BGN: variants seen among roughly 807,000 people sequenced by gnomAD.
The protein encoded by BGN is bone/cartilage proteoglycan-I.
In BGN, 6 loss-of-function variants were observed where a neutral mutation model predicts 20.0. The ratio of observed to expected loss-of-function variants is 0.30; its 90% CI spans 0.16 to 0.59. The LOEUF (loss-of-function observed/expected upper bound fraction) is 0.59. BGN is among the 20% of genes least tolerant of loss of function. BGN has a pLI of 0.88. For missense variants in BGN, 292 were observed against 312.1 expected (o/e 0.94, Z 0.49); for synonymous variants, 146 against 134.6 (o/e 1.08, Z -0.59).
intron 1 of BGN, among the ~76,000 whole-genome samples, chrX:153,496,948 G>GCCCCCCCCCCCCCCCCCCCC (rs782676136): frequency 7.0e-5 from 4 of 57,193 alleles, no homozygotes; most frequent in Non-Finnish European, 6.0e-5. Context: ...TGCTTCCCGG[G>GCCCCCCCCCCCCCCCCCCCC]CCCACCCCCC....
At chrX:153,503,434 C>T (rs1404215636) in intron 1 of BGN, among the ~76,000 whole-genome samples, 4 of 112,105 alleles carry the variant, frequency 3.6e-5, no homozygotes, top group Admixed American at 2.8e-4. Flanking sequence ...CCAGATGCAC[C>T]GAGGGCCACC....
intron 1 of BGN, among the ~76,000 whole-genome samples, chrX:153,496,929 C>T (rs1051282963): frequency 8.6e-5 from 9 of 104,575 alleles, no homozygotes; most frequent in Non-Finnish European, 1.6e-4. Context: ...CCCCACCTGC[C>T]GTCTCCTGTG....
chrX:153,495,939 G>A (rs782280296), intron 1 of BGN, among the ~76,000 whole-genome samples: 38 of 112,725 alleles, frequency 3.4e-4, no homozygotes, highest in African/African-American at 1.0e-3. Context: ...TCCCCAGGGC[G>A]GACCTGGCTT....
intron 1 of BGN, among the ~76,000 whole-genome samples, chrX:153,496,792 C>T (rs1556990850): frequency 8.9e-6 from 1 of 111,995 alleles, no homozygotes; most frequent in African/African-American, 3.2e-5. Context: ...CGTGTCCCTT[C>T]CAGTGACAGC....
intron 3 of BGN, among the ~76,000 whole-genome samples, 181 bp from the exon 4 acceptor site, chrX:153,505,682 G>A (rs1393173459): frequency 9.0e-6 from 1 of 111,674 alleles, no homozygotes; most frequent in African/African-American, 3.3e-5. Context: ...GCAAGGCAGT[G>A]GTGGCACTGC....
intron 1 of BGN, among the ~76,000 whole-genome samples, chrX:153,499,702 A>G (rs2089743191): frequency 8.8e-6 from 1 of 113,307 alleles, no homozygotes; most frequent in Admixed American, 9.2e-5. Context: ...TGGCAAGGCC[A>G]GGGAGGGTAC....
chrX:153,496,948 G>GCCCCCCCCCCCCCCCCC (rs782676136), intron 1 of BGN, among the ~76,000 whole-genome samples: 1 of 57,196 alleles, frequency 1.7e-5, no homozygotes, highest in African/African-American at 8.1e-5. Flanking sequence ...TGCTTCCCGG[G>GCCCCCCCCCCCCCCCCC]CCCACCCCCC....
intron 1 of BGN, among the ~76,000 whole-genome samples, chrX:153,503,120 C>A (rs1250631191): frequency 8.9e-6 from 1 of 112,965 alleles, no homozygotes; most frequent in Non-Finnish European, 1.9e-5. Context: ...GCCCCCGGCC[C>A]GCTGGTAGCA....
At position 153,505,223 on chromosome X, in the gene BGN, G is replaced by T. The variant is rs782280015; in HGVS notation, c.239-15G>T. On this transcript the variant is annotated splice_polypyrimidine_tract_variant and intron_variant, in intron 2 of 7. Coordinates refer to ENST00000331595, the MANE Select transcript of BGN (RefSeq NM_001711.6). ...GGTCTCAAGTTCATGCTGGTGATGG[G>T]GGTGGGGCCCCTAGGTCTGAAGTCT... 1.7e-6 allele frequency: 2 copies of T among 1,179,625 alleles called. No homozygotes were observed. Among genetic ancestry groups the T allele is most frequent in the Non-Finnish European group, 2.3e-6 (2 of 871,046 alleles).
At chrX:153,504,377 G>C (rs1355477766) in intron 1 of BGN, among the ~76,000 whole-genome samples, 2 of 112,226 alleles carry the variant, frequency 1.8e-5, no homozygotes, top group African/African-American at 6.5e-5. Context: ...GGATGGGGAG[G>C]GGGGTAGTGG....
chrX:153,499,480 C>T (rs2089741089), intron 1 of BGN, among the ~76,000 whole-genome samples: 1 of 113,241 alleles, frequency 8.8e-6, no homozygotes, highest in African/African-American at 3.2e-5. Context: ...GCCAGAAAAC[C>T]TCTGGAAAGG....
intron 1 of BGN, among the ~76,000 whole-genome samples, chrX:153,497,964 TC>T (rs2124215484): frequency 8.9e-6 from 1 of 112,164 alleles, no homozygotes; most frequent in East Asian, 2.8e-4. Context: ...CAGCCTTGGC[TC>T]TTCCGAGGAC....
intron 7 of BGN, 65 bp from the exon 8 acceptor site, chrX:153,508,183 C>A: frequency 8.7e-7 from 1 of 1,146,728 alleles, no homozygotes; most frequent in Non-Finnish European, 1.2e-6. Context: ...AAAATGCCTC[C>A]TGGAGGCAGC....
At chrX:153,504,569 G>A in intron 1 of BGN, 52 bp from the exon 2 acceptor site, 1 of 998,329 alleles carries the variant, frequency 1.0e-6, no homozygotes. Context: ...CCCCTGGCAT[G>A]GAGAAGACAG....
intron 2 of BGN, 117 bp downstream of exon 2, chrX:153,504,986 T>C: frequency 1.2e-6 from 1 of 814,065 alleles, no homozygotes. Flanking sequence ...ATGATGTAAG[T>C]GTAGGAGGGG....
chrX:153,505,070 C>CTG (rs1459430638), intron 2 of BGN, among the ~76,000 whole-genome samples, 168 bp from the exon 3 acceptor site: 1 of 111,197 alleles, frequency 9.0e-6, no homozygotes, highest in Non-Finnish European at 1.9e-5. Flanking sequence ...GTCAGTGTCC[C>CTG]TGTGTGTGTG....
rs1556993195 is a variant in BGN, at chrX:153,506,517, T to A, written c.566-12T>A. The A allele has an allele frequency of 6.6e-6, 8 of 1,203,734 alleles. No individual in the cohort carries two copies. Among genetic ancestry groups the A allele is most frequent in the Non-Finnish European group, 9.0e-6 (8 of 889,974 alleles). ...CCACCAGGCTCCCGGGCTAATGAGG[T>A]CTCTCCCCTAGAGATGGGCGGGAAC... On this transcript the variant is annotated splice_polypyrimidine_tract_variant and intron_variant, in intron 4 of 7. Coordinates refer to ENST00000331595, the MANE Select transcript of BGN (RefSeq NM_001711.6).
chrX:153,500,184 G>A (rs1477765887), intron 1 of BGN, among the ~76,000 whole-genome samples: 6 of 113,153 alleles, frequency 5.3e-5, no homozygotes, highest in Non-Finnish European at 1.1e-4. Context: ...GAGCAATCCA[G>A]TGCAGAGGAC....
At chrX:153,499,155 C>T (rs1287193479) in intron 1 of BGN, among the ~76,000 whole-genome samples, 1 of 112,503 alleles carries the variant, frequency 8.9e-6, no homozygotes, top group African/African-American at 3.2e-5. Context: ...TTATAGTCAA[C>T]GGGGGACGGC....
Sources: allele counts gnomAD v4.1 joint callset (sites outside exome capture counted in the v4.1 genomes callset), GRCh38; gene constraint gnomAD v4.1.1; transcripts MANE v1.5; gene names NCBI Gene and HGNC (gene_info 2026-07-23, HGNC 2026-07-21).